Variants in PPP2R2B observed in about 807,000 individuals in gnomAD.
PPP2R2B encodes serine/threonine-protein phosphatase 2A 55 kDa regulatory subunit B beta isoform.
A neutral mutation model predicts 46.0 loss-of-function variants in PPP2R2B; 5 were observed. That is an observed-to-expected ratio of 0.11 (90% CI 0.06 to 0.23). The LOEUF (loss-of-function observed/expected upper bound fraction) is 0.23. Among genes scored for constraint, PPP2R2B ranks in the 10% least tolerant of loss-of-function variants. PPP2R2B has a pLI of 1.00. For missense variants in PPP2R2B, 367 were observed against 575.0 expected (o/e 0.64, Z 3.70); for synonymous variants, 215 against 206.7 (o/e 1.04, Z -0.34).
chr5:146,653,340 G>A (rs1776102832), intron 5 of PPP2R2B, among the ~76,000 whole-genome samples: 4 of 152,158 alleles, frequency 2.6e-5, no homozygotes, highest in Admixed American at 2.6e-4. Flanking sequence ...AATGGTAGTG[G>A]TATTCATAGT....
intron 2 of PPP2R2B, among the ~76,000 whole-genome samples, chr5:146,867,752 G>A (rs1761392180): frequency 6.6e-6 from 1 of 152,136 alleles, no homozygotes; most frequent in Admixed American, 6.5e-5. Flanking sequence ...GAAGGACGGA[G>A]TGTCACCTGC....
intron 1 of PPP2R2B, among the ~76,000 whole-genome samples, chr5:146,997,016 A>G (rs1274747050): frequency 2.0e-5 from 3 of 151,914 alleles, no homozygotes; most frequent in Non-Finnish European, 4.4e-5. Flanking sequence ...TTCCATTTCC[A>G]CCTTTTAAAA....
At chr5:147,029,339 G>A (rs1755672769) in intron 1 of PPP2R2B, among the ~76,000 whole-genome samples, 1 of 152,116 alleles carries the variant, frequency 6.6e-6, no homozygotes, top group Non-Finnish European at 1.5e-5. Flanking sequence ...TAGGGACCAA[G>A]ATTATTTCTC....
At chr5:146,643,694 A>G (rs1775381077) in intron 6 of PPP2R2B, among the ~76,000 whole-genome samples, 1 of 152,192 alleles carries the variant, frequency 6.6e-6, no homozygotes, top group Admixed American at 6.5e-5. Context: ...CCACTAAAGA[A>G]CTTACTCATG....
At chr5:146,836,251 C>G (rs1759276718) in intron 2 of PPP2R2B, among the ~76,000 whole-genome samples, 1 of 152,096 alleles carries the variant, frequency 6.6e-6, no homozygotes, top group Admixed American at 6.5e-5. Flanking sequence ...CTACCTCACT[C>G]CCCATCCTTA....
intron 7 of PPP2R2B, among the ~76,000 whole-genome samples, chr5:146,632,065 C>G (rs944729865): frequency 2.5e-5 from 3 of 121,422 alleles, no homozygotes; most frequent in African/African-American, 9.0e-5. Flanking sequence ...AGTTGTGCCC[C>G]CCCCCCCGCC....
At chr5:146,607,113 G>A (rs1375624970) in intron 7 of PPP2R2B, 1 of 152,178 alleles carries the variant, frequency 6.6e-6, no homozygotes, top group Non-Finnish European at 1.5e-5. Flanking sequence ...TGCCCCTGGA[G>A]AGAAAAGCCT....
At chr5:146,809,873 T>A (rs1582156742) in intron 2 of PPP2R2B, among the ~76,000 whole-genome samples, 1 of 151,938 alleles carries the variant, frequency 6.6e-6, no homozygotes, top group Non-Finnish European at 1.5e-5. Flanking sequence ...GTAGTGCAGG[T>A]GGGAAATGGC....
At chr5:147,077,304 ACACACACCCACACC>A (rs1167819213) in intron 2 of PPP2R2B, among the ~76,000 whole-genome samples, 2,071 of 146,388 alleles carry the variant, frequency 0.014, 48 homozygotes, top group African/African-American at 0.051. Context: ...ACACACACAC[ACACACACCCACACC>A]CACACCCCTA....
chr5:146,825,568 T>C (rs1389917873), intron 2 of PPP2R2B, among the ~76,000 whole-genome samples: 4 of 152,216 alleles, frequency 2.6e-5, no homozygotes, highest in Non-Finnish European at 5.9e-5. Context: ...AAACAGACTA[T>C]AAGTGTAAGG....
intron 2 of PPP2R2B, chr5:146,707,288 C>G: frequency 1.9e-6 from 3 of 1,547,228 alleles, no homozygotes; most frequent in Non-Finnish European, 2.7e-6. Context: ...AGGAACCGTA[C>G]CTTGTCGACG....
chr5:146,817,064 C>A (rs1184456134), intron 2 of PPP2R2B, among the ~76,000 whole-genome samples: 1 of 152,166 alleles, frequency 6.6e-6, no homozygotes, highest in Non-Finnish European at 1.5e-5. Flanking sequence ...CTACTCCCCT[C>A]CCTGTATGCA....
chr5:146,900,312 A>G (rs1762784222), intron 1 of PPP2R2B, among the ~76,000 whole-genome samples: 1 of 152,204 alleles, frequency 6.6e-6, no homozygotes, highest in Non-Finnish European at 1.5e-5. Flanking sequence ...GGGCCTTTGA[A>G]CACACAAAGA....
At chr5:147,033,534 A>G (rs753171274) in intron 1 of PPP2R2B, among the ~76,000 whole-genome samples, 30 of 152,162 alleles carry the variant, frequency 2.0e-4, no homozygotes, top group Non-Finnish European at 3.2e-4. Context: ...GCTAGATTGT[A>G]CTTCTTTTTG....
At chr5:146,771,170 C>T (rs1325584487) in intron 2 of PPP2R2B, among the ~76,000 whole-genome samples, 1 of 152,184 alleles carries the variant, frequency 6.6e-6, no homozygotes, top group Non-Finnish European at 1.5e-5. Context: ...TGCCAGAATT[C>T]TAGAAGCAGG....
chr5:146,903,982 T>C (rs1762921621), intron 1 of PPP2R2B, among the ~76,000 whole-genome samples: 1 of 152,214 alleles, frequency 6.6e-6, no homozygotes, highest in Admixed American at 6.5e-5. Context: ...TGTCATCTTC[T>C]AAACATGCTC....
At chr5:146,658,789 G>C (rs899408254) in intron 5 of PPP2R2B, among the ~76,000 whole-genome samples, 5 of 152,114 alleles carry the variant, frequency 3.3e-5, no homozygotes, top group African/African-American at 1.2e-4. Context: ...AGGGACATTT[G>C]CATGATACTT....
intron 2 of PPP2R2B, among the ~76,000 whole-genome samples, chr5:146,851,801 G>C (rs759845402): frequency 8.6e-5 from 13 of 151,916 alleles, no homozygotes; most frequent in Non-Finnish European, 1.8e-4. Flanking sequence ...CAGAGCAGCT[G>C]TTTCATTTCA....
chr5:146,675,073 G>A (rs921863127), intron 5 of PPP2R2B, among the ~76,000 whole-genome samples: 7 of 151,894 alleles, frequency 4.6e-5, no homozygotes, highest in African/African-American at 7.3e-5. Context: ...AGTGATTCTC[G>A]CACCTCAGCC....
Sources: allele counts gnomAD v4.1 joint callset (sites outside exome capture counted in the v4.1 genomes callset), GRCh38; gene constraint gnomAD v4.1.1; transcripts MANE v1.5; gene names NCBI Gene and HGNC (gene_info 2026-07-23, HGNC 2026-07-21).